Variants in NKAIN2 observed in about 807,000 individuals in gnomAD.
NKAIN2 encodes sodium/potassium transporting ATPase interacting 2.
Under a neutral mutation model 32.6 loss-of-function variants are expected in NKAIN2, and 14 were observed. That is an observed-to-expected ratio of 0.43 (90% CI 0.28 to 0.67). The LOEUF (loss-of-function observed/expected upper bound fraction) is 0.67. Ranked by LOEUF, NKAIN2 falls within the 30% of genes least tolerant of loss-of-function variation. The pLI, the probability that NKAIN2 is intolerant of heterozygous loss-of-function variation, is 0.17. For missense variants in NKAIN2, 198 were observed against 258.3 expected, an observed-to-expected ratio of 0.77 and a Z score of 1.60; for synonymous variants, 80 against 87.2, an observed-to-expected ratio of 0.92 and a Z score of 0.46.
intron 1 of NKAIN2, among the ~76,000 whole-genome samples, chr6:124,159,268 A>G (rs1283667923): frequency 2.0e-5 from 3 of 152,222 alleles, no homozygotes; most frequent in Non-Finnish European, 2.9e-5. Flanking sequence ...GCAAACACTG[A>G]TGGATTAACA....
At chr6:124,308,279 A>G (rs1293321433) in intron 2 of NKAIN2, among the ~76,000 whole-genome samples, 1 of 152,032 alleles carries the variant, frequency 6.6e-6, no homozygotes, top group African/African-American at 2.4e-5. Flanking sequence ...GCTGAGAATG[A>G]TGGCTTCCAG....
At chr6:124,079,259 A>G (rs1457296866) in intron 1 of NKAIN2, among the ~76,000 whole-genome samples, 1 of 152,140 alleles carries the variant, frequency 6.6e-6, no homozygotes, top group East Asian at 1.9e-4. Flanking sequence ...CAGAGGTTGT[A>G]GTGACCCGAG....
intron 1 of NKAIN2, among the ~76,000 whole-genome samples, chr6:124,108,254 C>G (rs1037938281): frequency 2.6e-5 from 4 of 151,922 alleles, no homozygotes; most frequent in African/African-American, 7.2e-5. Flanking sequence ...TTTAATTTAC[C>G]TTTCCTGATG....
At chr6:124,342,191 GA>G (rs1798145143) in intron 2 of NKAIN2, among the ~76,000 whole-genome samples, 1 of 151,780 alleles carries the variant, frequency 6.6e-6, no homozygotes, top group Admixed American at 6.6e-5. Context: ...CACGAGGTCA[GA>G]AGATCGAGAC....
chr6:124,026,206 T>C (rs759020224), intron 1 of NKAIN2, among the ~76,000 whole-genome samples: 1 of 152,216 alleles, frequency 6.6e-6, no homozygotes. Flanking sequence ...TGTAAAACTT[T>C]TTAAAAATGA....
rs1001880533 is a variant in NKAIN2, at chr6:124,120,649, C to T, written c.55-162356C>T. Among the ~76,000 whole-genome samples the T allele has an allele frequency of 3.1e-4, 47 of 152,236 alleles. 1 individual carries two copies. Among genetic ancestry groups the T allele is most frequent in the Non-Finnish European group, 6.6e-4 (45 of 68,010 alleles). ...GACTTCATGCAGTAAGAGTTGGAAA[C>T]ATATGCTCTAAATTATATCTAAATT... On this transcript the variant is annotated intron_variant, in intron 1 of 6. Transcript: ENST00000368417.
At chr6:124,051,409 C>T (rs974669723) in intron 1 of NKAIN2, among the ~76,000 whole-genome samples, 2 of 151,700 alleles carry the variant, frequency 1.3e-5, no homozygotes, top group African/African-American at 4.8e-5. Context: ...TATGATGTTA[C>T]CAGTGGCCAT....
chr6:124,181,263 G>A (rs1789433597), intron 1 of NKAIN2, among the ~76,000 whole-genome samples: 1 of 150,242 alleles, frequency 6.7e-6, no homozygotes, highest in African/African-American at 2.5e-5. Flanking sequence ...GCAAGGCCCT[G>A]GGTGTGGCCC....
At chr6:124,312,232 T>A (rs1264986388) in intron 2 of NKAIN2, among the ~76,000 whole-genome samples, 1 of 152,178 alleles carries the variant, frequency 6.6e-6, no homozygotes, top group African/African-American at 2.4e-5. Context: ...TGACTTAATG[T>A]GCAGAGATTT....
chr6:124,589,064 G>T (rs369093712), intron 3 of NKAIN2, among the ~76,000 whole-genome samples: 3 of 152,102 alleles, frequency 2.0e-5, no homozygotes, highest in Admixed American at 2.0e-4. Context: ...AAAGGCAAAA[G>T]ATTAGCTTAT....
chr6:124,743,988 T>C (rs1414216734), intron 4 of NKAIN2, among the ~76,000 whole-genome samples: 2 of 151,974 alleles, frequency 1.3e-5, no homozygotes, highest in South Asian at 2.1e-4. Flanking sequence ...AACTACCCAG[T>C]AGACAAAATA....
chr6:124,454,302 G>A (rs1162372136), intron 3 of NKAIN2, among the ~76,000 whole-genome samples: 3 of 151,726 alleles, frequency 2.0e-5, no homozygotes, highest in Admixed American at 2.0e-4. Flanking sequence ...ATTTAATTTG[G>A]ACATTAAATC....
chr6:124,042,341 A>T (rs1582519906), intron 1 of NKAIN2, among the ~76,000 whole-genome samples: 1 of 151,986 alleles, frequency 6.6e-6, no homozygotes, highest in East Asian at 1.9e-4. Flanking sequence ...TGGTACTTAT[A>T]CCCCTCCAGA....
rs575003582 is a variant in NKAIN2 at position 124,739,673 on chromosome 6, T to C, written c.475-51666T>C. 4.2e-4 allele frequency among the ~76,000 whole-genome samples: 64 copies of C among 151,854 alleles called. 1 individual carries two copies. The highest frequency in any genetic ancestry group is 1.4e-3 in the African/African-American group (59 of 41,486). ...AAGGAAGGAAGAGGCACCATACACA[T>C]CTTGAAAAAGGGAGAAGCTTACACA... is the stretch of plus-strand genomic sequence containing the variant. On this transcript the variant is annotated intron_variant, in intron 4 of 6. Coordinates refer to ENST00000368417, the MANE Select transcript of NKAIN2 (RefSeq NM_001040214.3).
chr6:123,983,915 TA>T (rs1267203039), intron 1 of NKAIN2, among the ~76,000 whole-genome samples: 1 of 151,826 alleles, frequency 6.6e-6, no homozygotes, highest in East Asian at 1.9e-4. Flanking sequence ...ATTATTTATT[TA>T]TTTTTTTTGA....
At chr6:124,402,701 A>G (rs1237532516) in intron 3 of NKAIN2, among the ~76,000 whole-genome samples, 1 of 152,224 alleles carries the variant, frequency 6.6e-6, no homozygotes, top group Non-Finnish European at 1.5e-5. Flanking sequence ...TAACGCCGGA[A>G]CAGAAAAGCA....
chr6:124,229,529 T>C (rs140893740), intron 1 of NKAIN2, among the ~76,000 whole-genome samples: 5 of 147,044 alleles, frequency 3.4e-5, no homozygotes, highest in African/African-American at 1.3e-4. Context: ...GATAGATAGA[T>C]AGATAGACAG....
In NKAIN2 at chr6:124,501,123, G is replaced by A. The variant is rs531953959; in HGVS notation, c.273+145776G>A. Among the ~76,000 whole-genome samples, 81 of 152,262 alleles carry A rather than the reference G, an allele frequency of 5.3e-4. 1 individual carries two copies. Among genetic ancestry groups the A allele is most frequent in the Non-Finnish European group, 2.2e-4 (15 of 68,018 alleles). ...AGTATGACCATTGGGTTGAATGTAG[G>A]AGTCATGGGAGTCAGAGAGGATCAT... On this transcript the variant is annotated intron_variant, in intron 3 of 6. Transcript: ENST00000368417.
At chr6:123,832,895 G>A (rs1317451200) in intron 1 of NKAIN2, among the ~76,000 whole-genome samples, 3 of 152,034 alleles carry the variant, frequency 2.0e-5, no homozygotes, top group African/African-American at 7.2e-5. Flanking sequence ...AATGTCTTTT[G>A]CAAATATTGT....
Sources: allele counts gnomAD v4.1 joint callset (sites outside exome capture counted in the v4.1 genomes callset), GRCh38; gene constraint gnomAD v4.1.1; transcripts MANE v1.5; gene names NCBI Gene and HGNC (gene_info 2026-07-23, HGNC 2026-07-21).